DYNC1I2: variants seen among roughly 807,000 people sequenced by gnomAD.
DYNC1I2 encodes the protein dynein cytoplasmic 1 intermediate chain 2, also known as cytoplasmic dynein 1 intermediate chain 2.
A neutral mutation model predicts 88.6 loss-of-function variants in DYNC1I2; 53 were observed. The ratio of observed to expected loss-of-function variants is 0.60; its 90% CI spans 0.48 to 0.75. DYNC1I2 has a LOEUF of 0.75. Ranked by LOEUF, DYNC1I2 falls within the 30% of genes least tolerant of loss-of-function variation. DYNC1I2 has a pLI of 0.00. For synonymous variants in DYNC1I2, 198 were observed against 254.6 expected, an observed-to-expected ratio of 0.78 and a Z score of 2.12; for missense variants, 458 against 766.6, an observed-to-expected ratio of 0.60 and a Z score of 4.75.
At chr2:171,728,105 T>C in intron 12 of DYNC1I2, 138 bp downstream of exon 12, 1 of 1,136,296 alleles carries the variant, frequency 8.8e-7, no homozygotes, top group Non-Finnish European at 1.2e-6. Flanking sequence ...CAACCAAGAA[T>C]GAAGGCTATT....
rs1302542806 is a variant in DYNC1I2, at chr2:171,717,583, AAAAG to A, written c.511+2149_511+2152del. ...CTTGAGACACAAGCAACTTTTTTTAAAAAGAAAGAAAGTATGGAGCTTTCAGTAT... is the reference window on the plus strand; with the variant it reads ...CTTGAGACACAAGCAACTTTTTTTAAAAAGAAAGTATGGAGCTTTCAGTAT... On this transcript the variant is annotated intron_variant, in intron 7 of 17. Coordinates refer to ENST00000397119, the MANE Select transcript of DYNC1I2 (RefSeq NM_001378.3). Among the ~76,000 whole-genome samples the A allele has an allele frequency of 3.9e-5, 6 of 152,292 alleles. No individual in the cohort carries two copies. In the East Asian group the frequency reaches 7.7e-4, roughly 20 times the overall value.
chr2:171,696,960 A>G (rs1221197261), intron 3 of DYNC1I2, among the ~76,000 whole-genome samples: 1 of 152,066 alleles, frequency 6.6e-6, no homozygotes, highest in Non-Finnish European at 1.5e-5. Flanking sequence ...TGTACCATAC[A>G]TACATTGCAT....
At chr2:171,699,402 A>G (rs970367568) in intron 3 of DYNC1I2, among the ~76,000 whole-genome samples, 4 of 152,156 alleles carry the variant, frequency 2.6e-5, no homozygotes, top group East Asian at 1.9e-4. Context: ...TTCTTATACT[A>G]TCCATGTTCA....
At chr2:171,704,649 A>C (rs956706213) in intron 3 of DYNC1I2, among the ~76,000 whole-genome samples, 1 of 152,182 alleles carries the variant, frequency 6.6e-6, no homozygotes, top group Non-Finnish European at 1.5e-5. Flanking sequence ...AATGAATTCC[A>C]GAAGTGAGTC....
intron 10 of DYNC1I2, 95 bp downstream of exon 10, chr2:171,726,388 T>C: frequency 1.2e-6 from 1 of 820,806 alleles, no homozygotes; most frequent in Non-Finnish European, 1.9e-6. Context: ...GTATAATAAA[T>C]CAATATGTGT....
chr2:171,693,273 A>G (rs1179644030), intron 3 of DYNC1I2, among the ~76,000 whole-genome samples: 3 of 152,210 alleles, frequency 2.0e-5, no homozygotes, highest in Non-Finnish European at 2.9e-5. Flanking sequence ...AATCAGACTT[A>G]TATTGTTAGA....
chr2:171,708,753 C>T (rs560094480), intron 5 of DYNC1I2, among the ~76,000 whole-genome samples: 1 of 152,012 alleles, frequency 6.6e-6, no homozygotes, highest in South Asian at 2.1e-4. Context: ...AGGGCAGTGG[C>T]GCAATCTTGG....
At chr2:171,735,787 T>C (rs1481308673) in intron 15 of DYNC1I2, among the ~76,000 whole-genome samples, 1 of 152,244 alleles carries the variant, frequency 6.6e-6, no homozygotes, top group East Asian at 1.9e-4. Context: ...GTAGACCTGG[T>C]AGATTCACTA....
chr2:171,698,758 A>G (rs1044755405), intron 3 of DYNC1I2, among the ~76,000 whole-genome samples: 16 of 152,076 alleles, frequency 1.1e-4, no homozygotes, highest in African/African-American at 3.6e-4. Context: ...GGTCCTAGCT[A>G]CTTGGGAGGC....
intron 16 of DYNC1I2, 110 bp downstream of exon 16, chr2:171,744,299 G>C: frequency 8.6e-7 from 1 of 1,167,224 alleles, no homozygotes; most frequent in Non-Finnish European, 1.2e-6. Flanking sequence ...TTCTGTGATT[G>C]TAGATTCATC....
At chr2:171,701,507 T>A (rs751186198) in intron 3 of DYNC1I2, among the ~76,000 whole-genome samples, 2 of 152,150 alleles carry the variant, frequency 1.3e-5, no homozygotes, top group Non-Finnish European at 2.9e-5. Context: ...TTTTTTTGTT[T>A]GTTTATGAGT....
intron 5 of DYNC1I2, among the ~76,000 whole-genome samples, chr2:171,709,184 C>T (rs1003736823): frequency 6.6e-6 from 1 of 151,986 alleles, no homozygotes; most frequent in African/African-American, 2.4e-5. Context: ...ACTCATCGTT[C>T]CTGATTTTGA....
chr2:171,741,272 G>A (rs554472214), intron 15 of DYNC1I2, among the ~76,000 whole-genome samples: 1 of 152,306 alleles, frequency 6.6e-6, no homozygotes, highest in Non-Finnish European at 1.5e-5. Flanking sequence ...GAATGTGCAA[G>A]TTTTTATTTC....
intron 5 of DYNC1I2, among the ~76,000 whole-genome samples, chr2:171,712,053 T>C (rs921726952): frequency 6.6e-6 from 1 of 152,248 alleles, no homozygotes; most frequent in African/African-American, 2.4e-5. Flanking sequence ...CTAAAACTTA[T>C]AACTCAATAT....
intron 5 of DYNC1I2, among the ~76,000 whole-genome samples, chr2:171,711,421 G>A (rs1387009129): frequency 6.6e-6 from 1 of 152,168 alleles, no homozygotes; most frequent in Non-Finnish European, 1.5e-5. Context: ...TGCATTTTCA[G>A]TACTGGCTGT....
chr2:171,714,301 A>G (rs764928545), intron 6 of DYNC1I2, among the ~76,000 whole-genome samples: 1 of 146,656 alleles, frequency 6.8e-6, no homozygotes, highest in Non-Finnish European at 1.5e-5. Flanking sequence ...ATTATACTTT[A>G]TAGTACTTTG....
chr2:171,747,207 T>TATATATATATA (rs1491354708), intron 17 of DYNC1I2, among the ~76,000 whole-genome samples: 4 of 124,700 alleles, frequency 3.2e-5, no homozygotes, highest in South Asian at 2.8e-4. Flanking sequence ...AAAAAAAAAA[T>TATATATATATA]TATATATATA....
chr2:171,712,407 T>G (rs1687186245), intron 5 of DYNC1I2: 1 of 180,088 alleles, frequency 5.6e-6, no homozygotes, highest in Non-Finnish European at 1.2e-5. Context: ...TTTCAACCAT[T>G]TTATAGCCTA....
At chr2:171,736,628 G>T (rs916456555) in intron 15 of DYNC1I2, among the ~76,000 whole-genome samples, 1 of 152,192 alleles carries the variant, frequency 6.6e-6, no homozygotes, top group African/African-American at 2.4e-5. Flanking sequence ...CATTGGTTGA[G>T]ACTCCCTTTC....
Sources: gnomAD v4.1 joint callset for allele counts (sites outside exome capture counted in the v4.1 genomes callset) on GRCh38, gnomAD v4.1.1 for gene constraint, MANE v1.5 for transcripts, NCBI Gene and HGNC (gene_info 2026-07-23, HGNC 2026-07-21) for gene names.